The following FIRRM variants were observed in gnomAD, a reference collection of about 807,000 sequenced individuals.
The protein encoded by FIRRM is FIGNL1-interacting regulator of recombination and mitosis.
chr1:169,844,594 G>A, the FIRRM span, among the ~76,000 whole-genome samples: 1 of 152,206 alleles, frequency 6.6e-6, no homozygotes, highest in African/African-American at 2.4e-5. Context: ...AATGGTGTAT[G>A]TATATGAAGA....
the FIRRM span, among the ~76,000 whole-genome samples, chr1:169,801,445 CAAAA>C: frequency 4.9e-5 from 3 of 61,716 alleles, no homozygotes; most frequent in Admixed American, 5.4e-4. Flanking sequence ...TGCTCCGTCT[CAAAA>C]AAAAAAAAAA....
At chr1:169,786,916 G>A in the FIRRM span, among the ~76,000 whole-genome samples, 3 of 152,234 alleles carry the variant, frequency 2.0e-5, no homozygotes, top group South Asian at 4.2e-4. Context: ...ATCCGTGACC[G>A]CTCTACTGGG....
chr1:169,795,064 T>C, the FIRRM span: 1 of 1,490,006 alleles, frequency 6.7e-7, no homozygotes, highest in Non-Finnish European at 9.0e-7. Flanking sequence ...GTCTGGGCTT[T>C]GGCGGGTCTG....
At chr1:169,826,945 G>A in the FIRRM span, 1 of 1,006,978 alleles carries the variant, frequency 9.9e-7, no homozygotes, top group Non-Finnish European at 1.4e-6. Context: ...TAAAAACTTA[G>A]TTTTTAATAT....
At chr1:169,785,354 A>G in the FIRRM span, among the ~76,000 whole-genome samples, 2 of 152,230 alleles carry the variant, frequency 1.3e-5, no homozygotes, top group Non-Finnish European at 2.9e-5. Context: ...TCTGCAGCTT[A>G]AGCGTTAACC....
At chr1:169,792,470 A>G in the FIRRM span, 1 of 1,086,998 alleles carries the variant, frequency 9.2e-7, no homozygotes, top group South Asian at 1.9e-5. Context: ...AACAAAACTA[A>G]ACAAACAACA....
At chr1:169,853,511 C>T in the FIRRM span, 1 of 567,636 alleles carries the variant, frequency 1.8e-6, no homozygotes, top group South Asian at 2.5e-5. Context: ...GAAACCAGTA[C>T]TGTGAGCCTC....
chr1:169,839,015 A>G, the FIRRM span, among the ~76,000 whole-genome samples: 4 of 152,098 alleles, frequency 2.6e-5, no homozygotes, highest in African/African-American at 7.2e-5. Flanking sequence ...CTCACTTATA[A>G]GTGAGAACAT....
At chr1:169,792,138 T>C in the FIRRM span, among the ~76,000 whole-genome samples, 2 of 152,250 alleles carry the variant, frequency 1.3e-5, no homozygotes, top group African/African-American at 4.8e-5. Flanking sequence ...TAAATGAATA[T>C]AAAAACAAAA....
chr1:169,843,711 T>A, the FIRRM span: 8 of 1,612,772 alleles, frequency 5.0e-6, 1 homozygote, highest in South Asian at 8.8e-5. Context: ...ACATTCAGCC[T>A]TTTACTTCCA....
the FIRRM span, among the ~76,000 whole-genome samples, chr1:169,816,501 C>CT: frequency 6.6e-6 from 1 of 152,090 alleles, no homozygotes; most frequent in Admixed American, 6.6e-5. Context: ...GACTGATTTG[C>CT]TTTTTTATAC....
the FIRRM span, chr1:169,837,208 A>G: frequency 2.2e-6 from 2 of 890,834 alleles, no homozygotes; most frequent in Non-Finnish European, 1.6e-6. Flanking sequence ...AGATGCACAC[A>G]CTCTCTGTTC....
At chr1:169,820,325 G>T in the FIRRM span, among the ~76,000 whole-genome samples, 1 of 152,148 alleles carries the variant, frequency 6.6e-6, no homozygotes, top group South Asian at 2.1e-4. Context: ...TGTAGTGAAG[G>T]GACCTTTTTC....
the FIRRM span, chr1:169,793,524 C>T: frequency 3.1e-6 from 5 of 1,614,164 alleles, no homozygotes; most frequent in South Asian, 4.4e-5. Flanking sequence ...CACAAGTGAT[C>T]CTGAGGCAAG....
At chr1:169,792,915 A>C in the FIRRM span, 1 of 1,614,132 alleles carries the variant, frequency 6.2e-7, no homozygotes, top group Non-Finnish European at 8.5e-7. Context: ...CGGCATTTAT[A>C]TAGTTGTGTT....
the FIRRM span, chr1:169,851,057 T>C: frequency 8.8e-6 from 1 of 114,016 alleles, no homozygotes; most frequent in Non-Finnish European, 1.8e-5. Context: ...TTTTTTTTTT[T>C]TTTTTTTTTT....
the FIRRM span, among the ~76,000 whole-genome samples, chr1:169,848,380 C>G: frequency 6.6e-6 from 1 of 152,126 alleles, no homozygotes; most frequent in African/African-American, 2.4e-5. Context: ...TTACGCCTTC[C>G]TTATTACTAT....
At chr1:169,854,018 C>G in the FIRRM span, 2 of 578,776 alleles carry the variant, frequency 3.5e-6, no homozygotes, top group Non-Finnish European at 5.9e-6. Flanking sequence ...GACACCAAAT[C>G]CTTATTTTAA....
At chr1:169,804,361 T>C in the FIRRM span, 1 of 833,440 alleles carries the variant, frequency 1.2e-6, no homozygotes, top group East Asian at 3.2e-5. Context: ...ATTTAAATCT[T>C]ACCAAATAAA....
Sources: gnomAD v4.1 joint callset for allele counts (sites outside exome capture counted in the v4.1 genomes callset) on GRCh38, gnomAD v4.1.1 for gene constraint, MANE v1.5 for transcripts, NCBI Gene and HGNC (gene_info 2026-07-23, HGNC 2026-07-21) for gene names.